The following EBNA1BP2 variants were observed in gnomAD, a reference collection of about 807,000 sequenced individuals.
EBNA1BP2 encodes the protein probable rRNA-processing protein EBP2.
Under a neutral mutation model 43.5 loss-of-function variants are expected in EBNA1BP2, and 36 were observed. The observed-to-expected ratio is 0.83, with a 90% CI of 0.63 to 1.09. The LOEUF is 1.09. Ranked by LOEUF, EBNA1BP2 falls within the 50% of genes least tolerant of loss-of-function variation. The pLI is 0.00. For missense variants in EBNA1BP2, 332 were observed against 379.1 expected, an observed-to-expected ratio of 0.88 and a Z score of 1.03; for synonymous variants, 127 against 141.3, an observed-to-expected ratio of 0.90 and a Z score of 0.72.
At chr1:43,166,688 G>A in intron 7 of EBNA1BP2, 138 bp downstream of exon 7, 1 of 806,718 alleles carries the variant, frequency 1.2e-6, no homozygotes, top group African/African-American at 1.7e-5. Flanking sequence ...CAGTCATAGG[G>A]GTCCTGGCCC....
chr1:43,164,629 C>T lies in EBNA1BP2; in HGVS notation c.870+14G>A, dbSNP rs200101008. On this transcript the variant is annotated intron_variant, in intron 8 of 8. Transcript: ENST00000236051. ...CTGAGCCTGCTCCTCACCCGGGCACCTGGGCTCACTTACATTTGACCCTTT... is the reference window on the plus strand; with the variant it reads ...CTGAGCCTGCTCCTCACCCGGGCACTTGGGCTCACTTACATTTGACCCTTT... 1.2e-6 allele frequency: 2 copies of T among 1,614,102 alleles called. No individual in the cohort carries two copies. The highest frequency in any genetic ancestry group is 4.5e-5 in the East Asian group (2 of 44,882).
chr1:43,170,889 G>A lies in EBNA1BP2; in HGVS notation c.324-10C>T, dbSNP rs1421626594. 17 of 1,561,934 alleles carry A rather than the reference G, an allele frequency of 1.1e-5. No homozygotes were observed. Among genetic ancestry groups the A allele is most frequent in the Middle Eastern group, 1.7e-4 (1 of 5,902 alleles). ...CTGGGCTTGGCGATAGCTGAGAATC[G>A]TAGGACAAAATGTGTAATGAGGTGA... On this transcript the variant is annotated splice_polypyrimidine_tract_variant and intron_variant, in intron 3 of 8. Coordinates refer to ENST00000236051, the MANE Select transcript of EBNA1BP2 (RefSeq NM_006824.3).
In EBNA1BP2 at chr1:43,167,014, T is replaced by A. The variant is rs895043612; in HGVS notation, c.614-95A>T. 15 of 1,505,436 alleles carry A rather than the reference T, an allele frequency of 1.0e-5. No individual in the cohort carries two copies. The African/African-American group carries it at 1.5e-4, about 15-fold the overall frequency. 93.3% of individuals were successfully genotyped at this position (1,505,436 alleles called of 1,614,324 possible). A position where few individuals can be genotyped will look rare whatever the true frequency, so the allele number is the denominator to read the frequency against. On this transcript the variant is annotated intron_variant, in intron 6 of 8. Transcript: ENST00000236051. ...AGGCTGTTATTTGCTACACTGATTT[T>A]AAGAGTCACATCCTGCTCTCCAACA...
chr1:43,172,358 C>A, upstream of EBNA1BP2: 1 of 1,551,614 alleles, frequency 6.4e-7, no homozygotes, highest in African/African-American at 1.4e-5. Context: ...CTATAGGAAC[C>A]GCTACGGCGT....
In EBNA1BP2 at chr1:43,170,860, C is replaced by T. The variant is rs756079131; in HGVS notation, c.343G>A (p.Ala115Thr). The change falls in exon 4 of 9, where the codon GCA becomes ACA. Residue 115 changes from alanine (A) to threonine (T), a missense_variant. Transcript: ENST00000236051. The stretch of plus-strand genomic sequence containing the variant: ...AGGCGGGGTAAGACTGCAAGCACTG[C>T]GGCCTGGGCTTGGCGATAGCTGAGA... ...EMSFYRQAQA[A>T]VLAVLPRLHQ... The T allele has an allele frequency of 7.1e-5, 112 of 1,584,294 alleles. 1 individual carries two copies. Among genetic ancestry groups the T allele is most frequent in the South Asian group, 1.9e-4 (16 of 85,468 alleles).
At position 43,167,227 on chromosome 1, in the gene EBNA1BP2, C is replaced by T. The variant is rs373888672; in HGVS notation, c.546G>A (p.Thr182=). 2.2e-5 allele frequency: 35 copies of T among 1,613,974 alleles called. No individual in the cohort carries two copies. Among genetic ancestry groups the T allele is most frequent in the Non-Finnish European group, 2.5e-5 (30 of 1,180,022 alleles). ...CCTGCTGCCTCTTCTGAAGAACCTC[C>T]GTTTGCACCTGTGATATGAACACAA... ...ALRKYGKKVQ[T]EVLQKRQQEK... is the part of the protein sequence containing the mutation. Residue 182 remains threonine, a synonymous_variant, in exon 6 of 9, where the codon ACG becomes ACA. Transcript: ENST00000236051.
At chr1:43,168,051 C>T (rs1042437416) in intron 5 of EBNA1BP2, among the ~76,000 whole-genome samples, 15 of 152,200 alleles carry the variant, frequency 9.9e-5, no homozygotes, top group African/African-American at 3.4e-4. Context: ...TTTGTCTTTG[C>T]TTTTGGTAAC....
At chr1:43,169,737 G>A (rs373784129) in intron 4 of EBNA1BP2, among the ~76,000 whole-genome samples, 43 of 152,260 alleles carry the variant, frequency 2.8e-4, no homozygotes, top group African/African-American at 8.7e-4. Flanking sequence ...GCCACAGACC[G>A]CTACGAACCC....
At chr1:43,167,257 C>T (rs1215897876) in intron 5 of EBNA1BP2, 22 bp from the exon 6 acceptor site, 5 of 1,610,596 alleles carry the variant, frequency 3.1e-6, no homozygotes, top group East Asian at 4.5e-5. Context: ...ACACAAGGAC[C>T]GTTACAGCCA....
chr1:43,172,563 G>GGGGGAGTGGAAA, upstream of EBNA1BP2: 1 of 769,796 alleles, frequency 1.3e-6, no homozygotes, highest in Non-Finnish European at 2.0e-6. Context: ...GGAGGACCCC[G>GGGGGAGTGGAAA]GGGGAGGGGA....
chr1:43,167,046 C>T (rs1644923441), intron 6 of EBNA1BP2, 114 bp downstream of exon 6: 14 of 1,493,362 alleles, frequency 9.4e-6, no homozygotes, highest in African/African-American at 1.4e-5. Context: ...AACACCATTC[C>T]CAAAACTTTG....
intron 4 of EBNA1BP2, among the ~76,000 whole-genome samples, chr1:43,169,619 T>C (rs970906410): frequency 6.6e-6 from 1 of 152,130 alleles, no homozygotes; most frequent in East Asian, 1.9e-4. Flanking sequence ...ACTACAGATA[T>C]CAAAATCCAC....
rs567573095 is a variant in EBNA1BP2, at chr1:43,164,389, G to T, written c.*54C>A. Reference sequence around the variant, plus strand: ...AACAGAAGGGATCAAAGTGTGTCGTGAAATTGCGAGTCTTCATTCCTTTTT... The same window carrying T: ...AACAGAAGGGATCAAAGTGTGTCGTTAAATTGCGAGTCTTCATTCCTTTTT... On this transcript the variant is annotated 3_prime_UTR_variant, in exon 9 of 9. Transcript: ENST00000236051. 7 of 1,606,220 alleles carry T rather than the reference G, an allele frequency of 4.4e-6. No homozygotes were observed. The South Asian group carries it at 7.7e-5, about 18-fold the overall frequency.
chr1:43,164,709 T>C lies in EBNA1BP2; in HGVS notation c.804A>G (p.Val268=), dbSNP rs1406308782. 2 of 1,614,208 alleles carry C rather than the reference T, an allele frequency of 1.2e-6. No individual in the cohort carries two copies. The highest frequency in any genetic ancestry group is 1.1e-5 in the South Asian group (1 of 91,092). Residue 268 remains valine, a synonymous_variant, in exon 8 of 9, where the codon GTA becomes GTG. Coordinates refer to ENST00000236051, the MANE Select transcript of EBNA1BP2 (RefSeq NM_006824.3). ...KWNTRESYDD[V]SSFRAKTAHG... ...GAGCTGTCTTGGCCCGGAAGCTAGA[T>C]ACATCATCATAGCTCTCCCGAGTGT...
Position 43,171,488 on chromosome 1 carries a change from T to C in EBNA1BP2, c.314A>G (p.Glu105Gly). 6.2e-7 allele frequency: 1 copy of C among 1,608,966 alleles called. No homozygotes were observed. Among genetic ancestry groups the C allele is most frequent in the Non-Finnish European group, 8.5e-7 (1 of 1,178,070 alleles). ...TTGAAAACAAACATACAAACTCATC[T>C]CTCGCTGGAAGTCGTCTTCTGGATC... ...AVDPEDDFQREMSFYRQAQAA... is the reference protein window; with the variant it reads ...AVDPEDDFQRGMSFYRQAQAA... The change falls in exon 3 of 9, where the codon GAG becomes GGG. Residue 105 changes from glutamate (E) to glycine (G), a missense_variant. Glu to Gly is a moderately conservative substitution (Grantham distance 98). Transcript: ENST00000236051.
At chr1:43,166,183 C>T (rs578262829) in intron 7 of EBNA1BP2, among the ~76,000 whole-genome samples, 2 of 152,286 alleles carry the variant, frequency 1.3e-5, no homozygotes, top group East Asian at 1.9e-4. Context: ...CATGGTAACT[C>T]GTTCAAAACT....
chr1:43,165,853 C>T (rs1644914513), intron 7 of EBNA1BP2, among the ~76,000 whole-genome samples: 1 of 152,140 alleles, frequency 6.6e-6, no homozygotes, highest in African/African-American at 2.4e-5. Context: ...CTTCCCAAAC[C>T]CAGCTTCTCT....
At chr1:43,171,420 C>A in intron 3 of EBNA1BP2, 59 bp downstream of exon 3, 2 of 1,545,250 alleles carry the variant, frequency 1.3e-6, no homozygotes, top group Non-Finnish European at 1.7e-6. Flanking sequence ...AATTTCCCCT[C>A]TTTCCCACTC....
At chr1:43,170,978 C>CA (rs1214789628) in intron 3 of EBNA1BP2, 99 bp from the exon 4 acceptor site, 1 of 1,424,858 alleles carries the variant, frequency 7.0e-7, no homozygotes, top group Non-Finnish European at 9.2e-7. Flanking sequence ...GAAGGACTCT[C>CA]AAAATCTGAC....
Sources: allele counts gnomAD v4.1 joint callset (sites outside exome capture counted in the v4.1 genomes callset), GRCh38; gene constraint gnomAD v4.1.1; transcripts MANE v1.5; gene names NCBI Gene and HGNC (gene_info 2026-07-23, HGNC 2026-07-21).